Variants in FREM1 observed in about 807,000 individuals in gnomAD.
The protein encoded by FREM1 is FRAS1-related extracellular matrix protein 1.
In FREM1, 220 loss-of-function variants were observed where a neutral mutation model predicts 210.1. The observed-to-expected ratio is 1.05, with a 90% CI of 0.94 to 1.17. The LOEUF is 1.17. FREM1 is among the 50% of genes most tolerant of loss of function. The pLI, the probability that FREM1 is intolerant of heterozygous loss-of-function variation, is 0.00. For synonymous variants in FREM1, 1,189 were observed against 980.2 expected (o/e 1.21, Z -3.98); for missense variants, 3,454 against 2,675.5 (o/e 1.29, Z -6.42).
intron 2 of FREM1, among the ~76,000 whole-genome samples, chr9:14,868,054 T>C (rs141019297): frequency 0.011 from 1,697 of 152,258 alleles, 28 homozygotes; most frequent in African/African-American, 0.038. Context: ...CAAAGAACAG[T>C]GAATATTTAA....
At chr9:14,821,890 T>A (rs1192858223) in intron 13 of FREM1, among the ~76,000 whole-genome samples, 1 of 152,218 alleles carries the variant, frequency 6.6e-6, no homozygotes, top group Non-Finnish European at 1.5e-5. Flanking sequence ...TGGCAATTCA[T>A]TATTTTCATA....
chr9:14,894,854 A>G (rs1837427747), intron 1 of FREM1, among the ~76,000 whole-genome samples: 3 of 152,222 alleles, frequency 2.0e-5, no homozygotes, highest in Admixed American at 1.3e-4. Context: ...TTTCTTTTGT[A>G]ACAGGACACA....
At chr9:14,868,714 A>T (rs1832008552) in intron 2 of FREM1, 30 bp downstream of exon 2, 2 of 1,398,328 alleles carry the variant, frequency 1.4e-6, no homozygotes, top group Admixed American at 3.7e-5. Context: ...CATACACACG[A>T]CTGAACAGAA....
intron 1 of FREM1, among the ~76,000 whole-genome samples, chr9:14,890,087 A>G (rs1054729563): frequency 6.6e-6 from 1 of 152,192 alleles, no homozygotes; most frequent in Non-Finnish European, 1.5e-5. Context: ...CTCTCACACA[A>G]GGGTACTGTA....
In FREM1 at chr9:14,842,806, G is replaced by C. The variant is rs535730029; in HGVS notation, c.1394-146C>G. 35 of 610,360 alleles carry C rather than the reference G, an allele frequency of 5.7e-5. No homozygotes were observed. The African/African-American group carries it at 6.1e-4, about 11-fold the overall frequency. The allele number at this position is 610,360 out of a possible 1,614,324, so 37.8% of individuals were successfully genotyped here. A position where few individuals can be genotyped will look rare whatever the true frequency, so the allele number is the denominator to read the frequency against. On this transcript the variant is annotated intron_variant, in intron 8 of 36. Transcript: ENST00000380880. The stretch of plus-strand genomic sequence containing the variant: ...CTGGAAAAACTACAGATTGTTAGTG[G>C]GTTCTGGGAGAACATATCTAGTTTT...
At chr9:14,909,537 T>C (rs1818377131) in intron 1 of FREM1, among the ~76,000 whole-genome samples, 1 of 152,266 alleles carries the variant, frequency 6.6e-6, no homozygotes, top group Non-Finnish European at 1.5e-5. Flanking sequence ...GAGGATATTA[T>C]CTGTTCTGTT....
At chr9:14,853,902 G>C (rs1286656215) in intron 5 of FREM1, among the ~76,000 whole-genome samples, 1 of 152,198 alleles carries the variant, frequency 6.6e-6, no homozygotes, top group East Asian at 1.9e-4. Context: ...ATTGAGTCTA[G>C]AGTCAAGTCT....
rs1445065085 is a variant in FREM1 at position 14,814,820 on chromosome 9, T to A, written c.2641-1756A>T. ...AAAATCACAAACACTTGTCAAAAAA[T>A]TGGCTGTGCCTCTGTTTGGCTTTTA... On this transcript the variant is annotated intron_variant, in intron 15 of 36. Coordinates refer to ENST00000380880, the MANE Select transcript of FREM1 (RefSeq NM_001379081.2). 4.6e-5 allele frequency among the ~76,000 whole-genome samples: 7 copies of A among 152,182 alleles called. No homozygotes were observed. In the East Asian group the frequency reaches 1.2e-3, roughly 25 times the overall value.
chr9:14,754,407 A>C (rs529561963), intron 29 of FREM1, among the ~76,000 whole-genome samples: 1 of 152,346 alleles, frequency 6.6e-6, no homozygotes, highest in African/African-American at 2.4e-5. Context: ...TCTGAGTTAG[A>C]ATGTTAACTA....
intron 25 of FREM1, chr9:14,774,225 A>T (rs1587873485): frequency 2.0e-6 from 1 of 506,242 alleles, no homozygotes; most frequent in Non-Finnish European, 3.9e-6. Flanking sequence ...TCATGTGTCA[A>T]CTTTGCAGGG....
At chr9:14,873,680 T>G (rs1273499773) in intron 1 of FREM1, among the ~76,000 whole-genome samples, 1 of 152,310 alleles carries the variant, frequency 6.6e-6, no homozygotes, top group East Asian at 1.9e-4. Flanking sequence ...AGTTCTGCTC[T>G]GATTTTAGTT....
chr9:14,847,513 A>T, intron 7 of FREM1, among the ~76,000 whole-genome samples: 1 of 152,084 alleles, frequency 6.6e-6, no homozygotes, highest in African/African-American at 2.4e-5. Context: ...GTGACTGGCA[A>T]TAAGGGTTTG....
rs754312255 is a variant in FREM1 at position 14,784,420 on chromosome 9, T to G, written c.4392A>C (p.Thr1464=). The change falls in exon 24 of 37, where the codon ACA becomes ACC. Residue 1464 remains threonine, a synonymous_variant. Coordinates refer to ENST00000380880, the MANE Select transcript of FREM1 (RefSeq NM_001379081.2). ...NFSQMDVVGQ[T]VCYVHKSKVT... is the part of the protein sequence containing the mutation. ...CCTTGCTCTTGTGTACATAGCAAACTGTCTGCCCCACTACATCCATTTGGC... is the reference window on the plus strand; with the variant it reads ...CCTTGCTCTTGTGTACATAGCAAACGGTCTGCCCCACTACATCCATTTGGC... 3.7e-6 allele frequency: 6 copies of G among 1,613,812 alleles called. No individual in the cohort carries two copies. The highest frequency in any genetic ancestry group is 2.7e-5 in the African/African-American group (2 of 74,922).
At chr9:14,786,403 C>T (rs10810241) in intron 23 of FREM1, among the ~76,000 whole-genome samples, 18,685 of 152,152 alleles carry the variant, frequency 0.12, 1,511 homozygotes, top group East Asian at 0.23. Context: ...AACTTAAAAA[C>T]ACAGTGGCCA....
chr9:14,789,634 A>G (rs1850968026), intron 22 of FREM1, among the ~76,000 whole-genome samples: 1 of 152,230 alleles, frequency 6.6e-6, no homozygotes, highest in African/African-American at 2.4e-5. Context: ...CTTACTAAAG[A>G]AAGAAAATGA....
intron 13 of FREM1, among the ~76,000 whole-genome samples, chr9:14,820,516 GA>G (rs1019986403): frequency 6.6e-6 from 1 of 152,184 alleles, no homozygotes. Flanking sequence ...ATTGGAAGAG[GA>G]AAGGGAAGGA....
At chr9:14,856,720 C>A (rs1292444580) in intron 5 of FREM1, among the ~76,000 whole-genome samples, 1 of 151,738 alleles carries the variant, frequency 6.6e-6, no homozygotes, top group African/African-American at 2.4e-5. Context: ...GTAGTCCCAG[C>A]TACTCGGGAG....
chr9:14,750,203 T>C lies in FREM1; in HGVS notation c.5481A>G (p.Val1827=), dbSNP rs1397529210. Residue 1827 remains valine (V), a synonymous_variant, in exon 30 of 37, where the codon GTA becomes GTG. Transcript: ENST00000380880. ...GLEEDDEVFE[V]ILNSPVNAVL... is the part of the protein sequence containing the mutation. ...CTGCATTCACAGGGGAGTTCAGAAT[T>C]ACTTCAAAGACCTCATCATCTTCCT... The C allele has an allele frequency of 4.3e-6, 7 of 1,613,612 alleles. No individual in the cohort carries two copies. The highest frequency in any genetic ancestry group is 2.2e-5 in the East Asian group (1 of 44,898).
intron 14 of FREM1, among the ~76,000 whole-genome samples, chr9:14,818,151 T>C (rs1820640758): frequency 6.6e-6 from 1 of 152,206 alleles, no homozygotes; most frequent in South Asian, 2.1e-4. Context: ...TCAAAAACCA[T>C]AATTGTAAGC....
Sources: allele counts gnomAD v4.1 joint callset (sites outside exome capture counted in the v4.1 genomes callset), GRCh38; gene constraint gnomAD v4.1.1; transcripts MANE v1.5; gene names NCBI Gene and HGNC (gene_info 2026-07-23, HGNC 2026-07-21).